PDE10A: variants seen among roughly 807,000 people sequenced by gnomAD.
PDE10A encodes cAMP and cAMP-inhibited cGMP 3',5'-cyclic phosphodiesterase 10A.
PDE10A carries 39 observed loss-of-function variants against 97.7 expected under a neutral mutation model. The observed-to-expected ratio is 0.40, with a 90% confidence interval of 0.31 to 0.52. PDE10A has a LOEUF of 0.52. Among genes scored for constraint, PDE10A ranks in the 20% least tolerant of loss-of-function variants. The probability of loss-of-function intolerance (pLI) is 0.56; values close to 1 mark genes in which losing one functional copy is unlikely to be tolerated. For missense variants in PDE10A, 731 were observed against 1,047.8 expected (o/e 0.70, Z 4.17); for synonymous variants, 371 against 376.8 (o/e 0.98, Z 0.18).
chr6:165,583,616 T>C (rs1785737587), intron 1 of PDE10A, among the ~76,000 whole-genome samples: 1 of 152,226 alleles, frequency 6.6e-6, no homozygotes, highest in Admixed American at 6.5e-5. Flanking sequence ...GAATTCACTG[T>C]TCAAACCATG....
chr6:165,691,624 C>G (rs1791304402), intron 1 of PDE10A, among the ~76,000 whole-genome samples: 2 of 151,622 alleles, frequency 1.3e-5, no homozygotes, highest in Non-Finnish European at 2.9e-5. Context: ...CACACACACA[C>G]AGCATCGGTT....
At position 165,871,929 on chromosome 6, in the gene PDE10A, TGACAGACTG is replaced by T. The variant is rs1781214659; in HGVS notation, c.-615+115591_-615+115599del. Among the ~76,000 whole-genome samples, 6 of 152,232 alleles carry T rather than the reference TGACAGACTG, an allele frequency of 3.9e-5. No individual in the cohort carries two copies. The South Asian group carries it at 1.2e-3, about 32-fold the overall frequency. ...GGAAATCAAGGTATTTTCAAGAAAA[TGACAGACTG>T]ACTCAGTGAAGCTTTTCACTGGAGA... On this transcript the variant is annotated intron_variant, in intron 1 of 19. Coordinates refer to the PDE10A transcript ENST00000366882.
intron 5 of PDE10A, among the ~76,000 whole-genome samples, chr6:165,445,566 G>A (rs1790790426): frequency 6.6e-6 from 1 of 152,208 alleles, no homozygotes; most frequent in East Asian, 1.9e-4. Flanking sequence ...ATCTTGGGTT[G>A]AAGGACAAAT....
chr6:165,351,686 C>A (rs1291014241), intron 18 of PDE10A, among the ~76,000 whole-genome samples: 1 of 152,118 alleles, frequency 6.6e-6, no homozygotes, highest in African/African-American at 2.4e-5. Flanking sequence ...GGATGGTATG[C>A]CACATAATTT....
Position 165,716,968 on chromosome 6 carries a change from C to T in PDE10A, c.-614-173400G>A, listed in dbSNP as rs1386515268. Among the ~76,000 whole-genome samples, 3 of 152,204 alleles carry T rather than the reference C, an allele frequency of 2.0e-5. No individual in the cohort carries two copies. The South Asian group carries it at 6.2e-4, about 32-fold the overall frequency. On this transcript the variant is annotated intron_variant, in intron 1 of 19. Coordinates refer to the PDE10A transcript ENST00000366882. ...CACTTTTCGTCTTGCAAAATGGAAA[C>T]TGTGTCCCTATTAAACACTAATTTC...
intron 1 of PDE10A, among the ~76,000 whole-genome samples, chr6:165,862,999 T>A (rs1780949778): frequency 6.6e-6 from 1 of 152,244 alleles, no homozygotes; most frequent in Non-Finnish European, 1.5e-5. Context: ...ATATTTTAAC[T>A]TTGATTTACA....
intron 1 of PDE10A, among the ~76,000 whole-genome samples, chr6:165,785,550 C>T (rs930716365): frequency 2.6e-5 from 4 of 152,156 alleles, no homozygotes. Context: ...GTGTGTTAAA[C>T]CAAATTCGTA....
chr6:165,705,075 A>G (rs993169480), intron 1 of PDE10A, among the ~76,000 whole-genome samples: 2 of 152,018 alleles, frequency 1.3e-5, no homozygotes, highest in African/African-American at 2.4e-5. Context: ...TTGTGGTACC[A>G]CCCGCCCCCA....
chr6:165,881,319 A>G (rs1341820570), intron 1 of PDE10A, among the ~76,000 whole-genome samples: 1 of 152,130 alleles, frequency 6.6e-6, no homozygotes, highest in Non-Finnish European at 1.5e-5. Flanking sequence ...GTAAATATAA[A>G]CAAATCACAT....
chr6:165,414,168 CTGTTTA>C (rs1777381748), intron 12 of PDE10A, among the ~76,000 whole-genome samples: 1 of 152,206 alleles, frequency 6.6e-6, no homozygotes, highest in Admixed American at 6.5e-5. Flanking sequence ...CAGCCCTCTC[CTGTTTA>C]TAAGTAAAGT....
chr6:165,364,060 G>A (rs73030135), intron 18 of PDE10A, among the ~76,000 whole-genome samples: 12,035 of 152,168 alleles, frequency 0.079, 540 homozygotes, highest in Middle Eastern at 0.2. Flanking sequence ...AAACAATATC[G>A]GGAAAGAAGA....
chr6:165,678,071 T>A (rs1165894839), intron 1 of PDE10A, among the ~76,000 whole-genome samples: 1 of 148,868 alleles, frequency 6.7e-6, no homozygotes, highest in Non-Finnish European at 1.5e-5. Context: ...GTATGTGTGT[T>A]TGTATAGCTA....
intron 11 of PDE10A, among the ~76,000 whole-genome samples, chr6:165,417,516 G>T (rs1048416108): frequency 2.0e-5 from 3 of 152,060 alleles, no homozygotes; most frequent in Non-Finnish European, 4.4e-5. Flanking sequence ...CTTTAAAGTT[G>T]TTATTTTCAA....
intron 1 of PDE10A, among the ~76,000 whole-genome samples, chr6:165,933,131 T>A (rs561138877): frequency 1.6e-4 from 25 of 152,118 alleles, no homozygotes; most frequent in Middle Eastern, 6.8e-3. Flanking sequence ...TGTGGTAAAG[T>A]CCCCTCTACC....
intron 1 of PDE10A, among the ~76,000 whole-genome samples, chr6:165,822,122 G>A (rs964798416): frequency 5.3e-5 from 8 of 152,182 alleles, no homozygotes; most frequent in Non-Finnish European, 8.8e-5. Flanking sequence ...GCTTAGCAAC[G>A]GGGACATATT....
chr6:165,919,279 G>T (rs563077628), intron 1 of PDE10A, among the ~76,000 whole-genome samples: 1 of 152,250 alleles, frequency 6.6e-6, no homozygotes, highest in South Asian at 2.1e-4. Context: ...TTGGGGCAGG[G>T]CGCTCTGTGT....
At chr6:165,683,574 C>A (rs1277946039) in intron 1 of PDE10A, among the ~76,000 whole-genome samples, 2 of 152,130 alleles carry the variant, frequency 1.3e-5, no homozygotes, top group Non-Finnish European at 2.9e-5. Flanking sequence ...TTCCAAATAA[C>A]TGAATATTAA....
At chr6:165,852,097 C>T (rs558155114) in intron 1 of PDE10A, among the ~76,000 whole-genome samples, 44 of 152,338 alleles carry the variant, frequency 2.9e-4, no homozygotes, top group African/African-American at 9.9e-4. Context: ...CCTTTCCCCC[C>T]TTTCTCTTTT....
chr6:165,599,223 T>C (rs1393994790), intron 1 of PDE10A, among the ~76,000 whole-genome samples: 1 of 152,200 alleles, frequency 6.6e-6, no homozygotes, highest in Admixed American at 6.5e-5. Context: ...AACAAAAGCA[T>C]ACTAAAACAA....
Sources: allele counts gnomAD v4.1 joint callset (sites outside exome capture counted in the v4.1 genomes callset), GRCh38; gene constraint gnomAD v4.1.1; transcripts MANE v1.5; gene names NCBI Gene and HGNC (gene_info 2026-07-23, HGNC 2026-07-21).